Variants in GNAO1 observed in about 807,000 individuals in gnomAD.
GNAO1 encodes G protein subunit alpha o1.
For missense variants in GNAO1, 166 were observed against 478.7 expected (o/e 0.35, Z 6.10); for synonymous variants, 164 against 180.7 (o/e 0.91, Z 0.74).
rs2036178013 is a variant in GNAO1, at chr16:56,191,944, C to T, written c.-292C>T. The T allele has an allele frequency of 6.2e-6, 3 of 483,166 alleles. No homozygotes were observed. Among genetic ancestry groups the T allele is most frequent in the South Asian group, 5.8e-5 (2 of 34,636 alleles). 29.9% of individuals were successfully genotyped at this position (483,166 alleles called of 1,614,324 possible). A position where few individuals can be genotyped will look rare whatever the true frequency, so the allele number is the denominator to read the frequency against. On this transcript the variant is annotated 5_prime_UTR_variant, in exon 1 of 9. Transcript: ENST00000262493. The surrounding 1 kb of genome is among the most constrained non-coding windows in gnomAD (Gnocchi z 4.7). ...TCAGTGCCTGCAGTCCGCGCCTCCT[C>T]GGCCCGCGGGCGCCTCCTCCCTTGG... is the stretch of plus-strand genomic sequence containing the variant.
chr16:56,256,122 G>C (rs922432995), intron 2 of GNAO1, among the ~76,000 whole-genome samples: 4 of 152,110 alleles, frequency 2.6e-5, no homozygotes, highest in Non-Finnish European at 5.9e-5. Context: ...TGTACCTCTG[G>C]TTATGGAGCC....
chr16:56,290,567 G>T lies in GNAO1; in HGVS notation c.303+14495G>T, dbSNP rs561960503. On this transcript the variant is annotated intron_variant, in intron 3 of 8. Transcript: ENST00000262493. ...GGAACCTGAGTTCTAGAACCCACTTGTTCATAGGCCCTCTTGCAGGCCTCA... is the reference window on the plus strand; with the variant it reads ...GGAACCTGAGTTCTAGAACCCACTTTTTCATAGGCCCTCTTGCAGGCCTCA... Among the ~76,000 whole-genome samples the T allele has an allele frequency of 2.6e-5, 4 of 152,322 alleles. No homozygotes were observed. In the East Asian group the frequency reaches 7.7e-4, roughly 29 times the overall value.
Position 56,354,861 on chromosome 16 carries a change from T to A in GNAO1, c.878-5T>A. 1 of 1,604,788 alleles carries A rather than the reference T, an allele frequency of 6.2e-7. No individual in the cohort carries two copies. The highest frequency in any genetic ancestry group is 8.5e-7 in the Non-Finnish European group (1 of 1,172,066). Reference sequence around the variant, plus strand: ...CTCTCCCCGTTCTTCTGTGTCTTGTTACAGGCCCCAATACCTATGAAGACG... The same window carrying A: ...CTCTCCCCGTTCTTCTGTGTCTTGTAACAGGCCCCAATACCTATGAAGACG... On this transcript the variant is annotated splice_region_variant and splice_polypyrimidine_tract_variant and intron_variant, in intron 7 of 8. Transcript: ENST00000262493. The surrounding 1 kb of genome is among the most constrained non-coding windows in gnomAD (Gnocchi z 4.3).
At chr16:56,208,419 ATG>A (rs35244461) in intron 2 of GNAO1, among the ~76,000 whole-genome samples, 20,228 of 148,724 alleles carry the variant, frequency 0.14, 1,459 homozygotes, top group African/African-American at 0.18. Flanking sequence ...GCTGCTATCA[ATG>A]TGTGTGTGTG....
chr16:56,278,569 G>A (rs1193273025), intron 3 of GNAO1, among the ~76,000 whole-genome samples: 1 of 152,166 alleles, frequency 6.6e-6, no homozygotes, highest in Non-Finnish European at 1.5e-5. Context: ...TGCTGGTGTG[G>A]GGGCAGCTCA....
intron 6 of GNAO1, chr16:56,344,852 C>G (rs2037847399): frequency 1.0e-6 from 1 of 985,350 alleles, no homozygotes; most frequent in African/African-American, 1.7e-5. Flanking sequence ...CAGCAAAGGC[C>G]TTTGGGCTGG....
intron 2 of GNAO1, among the ~76,000 whole-genome samples, chr16:56,209,228 ACT>A (rs1337777740): frequency 1.1e-4 from 17 of 152,018 alleles, no homozygotes; most frequent in African/African-American, 4.1e-4. Flanking sequence ...GCTTTCTGTC[ACT>A]GTTTCTGTGG....
chr16:56,285,816 A>G (rs2052898195), intron 3 of GNAO1, among the ~76,000 whole-genome samples: 1 of 152,238 alleles, frequency 6.6e-6, no homozygotes, highest in African/African-American at 2.4e-5. Context: ...GACACAAGTC[A>G]GAGCCCTGTG....
chr16:56,342,227 G>A (rs1187542080), intron 6 of GNAO1, among the ~76,000 whole-genome samples: 2 of 152,192 alleles, frequency 1.3e-5, no homozygotes, highest in Admixed American at 6.5e-5. Context: ...CTGGAGTGGG[G>A]AAGGAGGAGG....
chr16:56,258,818 G>A (rs1383369249), intron 2 of GNAO1, among the ~76,000 whole-genome samples: 2 of 152,250 alleles, frequency 1.3e-5, no homozygotes, highest in Admixed American at 6.5e-5. Flanking sequence ...ATTGGGGCAG[G>A]CAATAGCTCT....
intron 2 of GNAO1, among the ~76,000 whole-genome samples, chr16:56,260,392 A>G (rs1384179546): frequency 1.3e-5 from 2 of 152,080 alleles, no homozygotes; most frequent in African/African-American, 4.8e-5. Flanking sequence ...ACGTGCACCA[A>G]TTTTAGGCTT....
chr16:56,346,511 T>G lies in GNAO1; in HGVS notation c.724-4873T>G, dbSNP rs1340336108. 9.1e-6 allele frequency: 9 copies of G among 985,420 alleles called. No homozygotes were observed. The South Asian group carries it at 3.3e-4, about 36-fold the overall frequency. The allele number at this position is 985,420 out of a possible 1,614,324, so 61.0% of individuals were successfully genotyped here. ...GTTTTGTGACCTGCGCCGCTGACCA[T>G]CCTAAGAACCAGGTCTTGGCCTTCC... On this transcript the variant is annotated intron_variant, in intron 6 of 8. Coordinates refer to ENST00000262493, the MANE Select transcript of GNAO1 (RefSeq NM_020988.3).
At chr16:56,336,966 G>T in intron 6 of GNAO1, 106 bp downstream of exon 6, 1 of 1,094,474 alleles carries the variant, frequency 9.1e-7, no homozygotes, top group South Asian at 1.5e-5. Context: ...TGGCTCTGGG[G>T]TCCAGCCAGC....
At chr16:56,341,917 G>A (rs987938314) in intron 6 of GNAO1, among the ~76,000 whole-genome samples, 8 of 152,244 alleles carry the variant, frequency 5.3e-5, no homozygotes, top group Non-Finnish European at 1.0e-4. Flanking sequence ...GGAGGGCACA[G>A]AGCAGGGGCA....
chr16:56,198,762 C>T (rs543510190), intron 2 of GNAO1, among the ~76,000 whole-genome samples: 1 of 152,306 alleles, frequency 6.6e-6, no homozygotes, highest in East Asian at 1.9e-4. Context: ...TGGGTGTTCC[C>T]TTCCCATGTG....
intron 2 of GNAO1, among the ~76,000 whole-genome samples, chr16:56,272,090 T>TAGAA (rs2037023009): frequency 1.3e-5 from 2 of 152,338 alleles, no homozygotes; most frequent in South Asian, 4.1e-4. Context: ...AGTGTTCTTC[T>TAGAA]GAGTTTTGGG....
chr16:56,252,457 C>T (rs1326730016), intron 2 of GNAO1, among the ~76,000 whole-genome samples: 1 of 152,220 alleles, frequency 6.6e-6, no homozygotes, highest in Non-Finnish European at 1.5e-5. Flanking sequence ...TTGCTCAGAG[C>T]ACAAGCTTCC....
intron 2 of GNAO1, among the ~76,000 whole-genome samples, chr16:56,206,183 G>A (rs2036325941): frequency 6.6e-6 from 1 of 152,040 alleles, no homozygotes; most frequent in Non-Finnish European, 1.5e-5. Flanking sequence ...AGCTGGGCAT[G>A]GTGGTGGGCG....
intron 2 of GNAO1, among the ~76,000 whole-genome samples, chr16:56,207,446 A>G (rs1295572115): frequency 2.6e-5 from 4 of 152,256 alleles, no homozygotes; most frequent in African/African-American, 9.6e-5. Context: ...TGATTTATTT[A>G]AGGTGATGTG....
Sources: gnomAD v4.1 joint callset for allele counts (sites outside exome capture counted in the v4.1 genomes callset) on GRCh38, gnomAD v4.1.1 for gene constraint, Gnocchi (gnomAD v3.1) non-coding constraint, MANE v1.5 for transcripts, NCBI Gene and HGNC (gene_info 2026-07-23, HGNC 2026-07-21) for gene names.